Variants in PRIM2 observed in about 807,000 individuals in gnomAD.
PRIM2 encodes DNA primase large subunit.
Under a neutral mutation model 67.3 loss-of-function variants are expected in PRIM2, and 39 were observed. The observed-to-expected ratio is 0.58, with a 90% CI of 0.45 to 0.76. The LOEUF (loss-of-function observed/expected upper bound fraction) is 0.76. PRIM2 is among the 30% of genes least tolerant of loss of function. PRIM2 has a pLI of 0.00. For missense variants in PRIM2, 398 were observed against 598.7 expected (o/e 0.66, Z 3.50); for synonymous variants, 143 against 198.7 (o/e 0.72, Z 2.36).
At chr6:57,329,563 C>T (rs1409547262) in intron 5 of PRIM2, among the ~76,000 whole-genome samples, 3 of 151,968 alleles carry the variant, frequency 2.0e-5, no homozygotes, top group Non-Finnish European at 2.9e-5. Flanking sequence ...GGGGCAATCT[C>T]CCCCATGGTA....
chr6:57,353,577 A>T (rs1204403593), intron 5 of PRIM2, among the ~76,000 whole-genome samples: 1 of 152,220 alleles, frequency 6.6e-6, no homozygotes, highest in Non-Finnish European at 1.5e-5. Flanking sequence ...CACATACATA[A>T]AGAAGATCTA....
At chr6:57,433,792 A>G (rs1771913805) in intron 7 of PRIM2, among the ~76,000 whole-genome samples, 1 of 152,178 alleles carries the variant, frequency 6.6e-6, no homozygotes, top group Admixed American at 6.5e-5. Context: ...CACTTGTTTT[A>G]TGGTATAAAA....
intron 7 of PRIM2, among the ~76,000 whole-genome samples, chr6:57,420,983 G>A (rs1771442113): frequency 6.6e-6 from 1 of 152,198 alleles, no homozygotes; most frequent in South Asian, 2.1e-4. Flanking sequence ...AAGGGTAGCA[G>A]CATGAAATGG....
At chr6:57,418,942 A>G (rs1372178293) in intron 7 of PRIM2, among the ~76,000 whole-genome samples, 7 of 152,190 alleles carry the variant, frequency 4.6e-5, no homozygotes, top group African/African-American at 1.7e-4. Context: ...TTTTCTAGGA[A>G]TGTACTTTAG....
the PRIM2 span, among the ~76,000 whole-genome samples, chr6:57,295,229 C>G: frequency 6.6e-6 from 1 of 152,080 alleles, no homozygotes; most frequent in Non-Finnish European, 1.5e-5. Flanking sequence ...TTTCTCCACC[C>G]CAGCTGACGT....
At chr6:57,339,083 C>G (rs1270579037) in intron 5 of PRIM2, among the ~76,000 whole-genome samples, 1 of 151,940 alleles carries the variant, frequency 6.6e-6, no homozygotes, top group Admixed American at 6.6e-5. Context: ...AGAGCCAAAT[C>G]ACGAGTGAAC....
At chr6:57,616,295 A>G (rs1776756091) in intron 12 of PRIM2, among the ~76,000 whole-genome samples, 2 of 152,240 alleles carry the variant, frequency 1.3e-5, no homozygotes, top group African/African-American at 2.4e-5. Flanking sequence ...TATTTTACAG[A>G]TGAGAAAGCT....
At chr6:57,377,442 A>AT (rs1291221698) in intron 5 of PRIM2, among the ~76,000 whole-genome samples, 46 of 149,548 alleles carry the variant, frequency 3.1e-4, no homozygotes, top group African/African-American at 1.1e-3. Context: ...TGTGGACTAT[A>AT]TTGAAGCTTA....
chr6:57,585,542 T>G (rs1379230714), intron 10 of PRIM2, among the ~76,000 whole-genome samples: 111 of 152,310 alleles, frequency 7.3e-4, no homozygotes, highest in African/African-American at 2.5e-3. Context: ...TAAGCCAACC[T>G]AAAATGATTC....
intron 7 of PRIM2, among the ~76,000 whole-genome samples, chr6:57,443,789 C>T (rs1441452881): frequency 6.6e-6 from 1 of 151,742 alleles, no homozygotes; most frequent in Admixed American, 6.6e-5. Context: ...GTCTGTTTTG[C>T]ATTTGTTGCC....
chr6:57,497,062 C>A (rs1774020814), intron 7 of PRIM2, among the ~76,000 whole-genome samples: 1 of 152,138 alleles, frequency 6.6e-6, no homozygotes, highest in African/African-American at 2.4e-5. Flanking sequence ...CATAGGATAA[C>A]AATGGCACTG....
chr6:57,444,150 T>G (rs1581910320), intron 7 of PRIM2, among the ~76,000 whole-genome samples: 3 of 152,186 alleles, frequency 2.0e-5, no homozygotes, highest in African/African-American at 4.8e-5. Context: ...ATTTAAAAAT[T>G]TGGGTGATTC....
At chr6:57,318,879 A>T (rs1286941639) in intron 2 of PRIM2, among the ~76,000 whole-genome samples, 1 of 152,192 alleles carries the variant, frequency 6.6e-6, no homozygotes, top group Non-Finnish European at 1.5e-5. Flanking sequence ...TTGAAGTTTT[A>T]TTCTAGTACA....
chr6:57,495,850 C>G (rs1489183941), intron 7 of PRIM2, among the ~76,000 whole-genome samples: 2 of 152,190 alleles, frequency 1.3e-5, no homozygotes, highest in East Asian at 3.9e-4. Context: ...CTTAAGCAAT[C>G]CTTCTACCTC....
At chr6:57,304,537 T>G in the PRIM2 span, among the ~76,000 whole-genome samples, 1 of 152,218 alleles carries the variant, frequency 6.6e-6, no homozygotes, top group Admixed American at 6.5e-5. Flanking sequence ...ACATAATTGC[T>G]TCATAACTGT....
At chr6:57,622,867 G>A (rs1339297928) in intron 12 of PRIM2, among the ~76,000 whole-genome samples, 378 of 152,046 alleles carry the variant, frequency 2.5e-3, no homozygotes, top group African/African-American at 8.8e-3. Context: ...CTTTCAAAAG[G>A]GACAGTTTAA....
intron 7 of PRIM2, among the ~76,000 whole-genome samples, chr6:57,397,625 T>C (rs544999470): frequency 1.3e-5 from 2 of 152,272 alleles, no homozygotes; most frequent in Non-Finnish European, 2.9e-5. Context: ...TCTTGGCCCC[T>C]CCCTGATTAG....
chr6:57,446,886 A>T (rs1348188436), intron 7 of PRIM2, among the ~76,000 whole-genome samples: 2 of 152,176 alleles, frequency 1.3e-5, no homozygotes, highest in African/African-American at 4.8e-5. Context: ...GGAAGGTAGA[A>T]GTTGGGCTGG....
the PRIM2 span, among the ~76,000 whole-genome samples, chr6:57,223,482 T>C: frequency 2.6e-5 from 4 of 152,216 alleles, no homozygotes; most frequent in South Asian, 6.2e-4. Flanking sequence ...CTTAATAATT[T>C]TAAAAATTAG....
Sources: gnomAD v4.1 joint callset for allele counts (sites outside exome capture counted in the v4.1 genomes callset) on GRCh38, gnomAD v4.1.1 for gene constraint, MANE v1.5 for transcripts, NCBI Gene and HGNC (gene_info 2026-07-23, HGNC 2026-07-21) for gene names.